TRMU: variants seen among roughly 807,000 people sequenced by gnomAD.
TRMU encodes the protein mitochondrial tRNA-specific 2-thiouridylase 1.
TRMU carries 49 observed loss-of-function variants against 46.9 expected under a neutral mutation model. The observed-to-expected ratio is 1.05, with a 90% CI of 0.83 to 1.33. TRMU has a LOEUF of 1.33. Among genes scored for constraint, TRMU ranks in the 40% most tolerant of loss-of-function variants. The probability of loss-of-function intolerance (pLI) is 0.00; values close to 1 mark genes in which losing one functional copy is unlikely to be tolerated. For missense variants in TRMU, 572 were observed against 532.4 expected (o/e 1.07, Z -0.73); for synonymous variants, 241 against 200.9 (o/e 1.20, Z -1.69).
At chr22:46,335,891 C>A (rs773975989) in intron 1 of TRMU, 45 bp downstream of exon 1, 1 of 1,531,582 alleles carries the variant, frequency 6.5e-7, no homozygotes, top group South Asian at 1.2e-5. Context: ...GAATGTGTCC[C>A]CGGAAACCTG....
chr22:46,350,303 T>G lies in TRMU; in HGVS notation c.491T>G (p.Leu164Arg). 1 of 1,614,232 alleles carries G rather than the reference T, an allele frequency of 6.2e-7. No homozygotes were observed. Among genetic ancestry groups the G allele is most frequent in the Non-Finnish European group, 8.5e-7 (1 of 1,180,042 alleles). The change falls in exon 5 of 11, where the codon CTC becomes CGC. Residue 164 changes from leucine to arginine, a missense_variant. Transcript: ENST00000645190. This position sits in a 1 kb window ranked among gnomAD's most constrained non-coding sequence, Gnocchi z 4.6. The stretch of plus-strand genomic sequence containing the variant: ...TTATTCTTGGCAGCGGTAAAACTCC[T>G]CCAGGCAGCTGACAGCTTTAAAGAC... ...RFEVRNAVKLLQAADSFKDQT... is the reference protein window; with the variant it reads ...RFEVRNAVKLRQAADSFKDQT...
chr22:46,356,551 T>G lies in TRMU; in HGVS notation c.1102-291T>G. ...TGCTCCTTCCTGTCACAGCTCCACA[T>G]TCCCAAGGGGTGCAGAGACCTGCCA... On this transcript the variant is annotated intron_variant, in intron 10 of 10. Transcript: ENST00000645190. 6.1e-6 allele frequency: 3 copies of G among 489,204 alleles called. No homozygotes were observed. In the South Asian group the frequency reaches 7.6e-5, roughly 12 times the overall value. 30.3% of individuals were successfully genotyped at this position (489,204 alleles called of 1,614,324 possible).
In TRMU at chr22:46,355,994, CTG is replaced by C. The variant is rs2147116755; in HGVS notation, c.1028_1029del (p.Val343AlafsTer62). On this transcript the variant is annotated frameshift_variant, in exon 10 of 11. Coordinates refer to ENST00000645190, the MANE Select transcript of TRMU (RefSeq NM_018006.5). LOFTEE classifies it high-confidence loss of function. Reference protein sequence around the residue: ...RFRHQMALVPCVLTLNQDGTV... With the variant: ...RFRHQMALVPXVLTLNQDGTV... Reference sequence around the variant, plus strand: ...GGGCCCCTCTCTTCTACCCAGTGCCCTGTGTGCTGACCCTCAATCAAGATGGC... The same window carrying C: ...GGGCCCCTCTCTTCTACCCAGTGCCCTGTGCTGACCCTCAATCAAGATGGC... 1 of 1,613,956 alleles carries C rather than the reference CTG, an allele frequency of 6.2e-7. No individual in the cohort carries two copies. The highest frequency in any genetic ancestry group is 2.2e-5 in the East Asian group (1 of 44,874).
intron 8 of TRMU, 154 bp from the exon 9 acceptor site, chr22:46,355,290 A>G (rs1231267782): frequency 6.6e-6 from 8 of 1,208,714 alleles, no homozygotes; most frequent in Non-Finnish European, 9.3e-6. Flanking sequence ...GGGTGATGAG[A>G]TGAATTTCTG....
At chr22:46,345,822 C>A (rs1432347040) in intron 3 of TRMU, among the ~76,000 whole-genome samples, 3 of 149,938 alleles carry the variant, frequency 2.0e-5, no homozygotes, top group Non-Finnish European at 4.4e-5. Context: ...GACTAGAGTG[C>A]TGTGGTGCAG....
rs148602536 is a variant in TRMU at position 46,352,464 on chromosome 22, C to T, written c.772+134C>T. On this transcript the variant is annotated intron_variant, in intron 7 of 10. Coordinates refer to ENST00000645190, the MANE Select transcript of TRMU (RefSeq NM_018006.5). Reference sequence around the variant, plus strand: ...ATTGTAGAAGGCTCTGTGGGGCGGCCGGGGGCGGGCACGGCCTAGGGTGGA... The same window carrying T: ...ATTGTAGAAGGCTCTGTGGGGCGGCTGGGGGCGGGCACGGCCTAGGGTGGA... 755 of 1,081,098 alleles carry T rather than the reference C, an allele frequency of 7.0e-4. 4 individuals carry two copies. The highest frequency in any genetic ancestry group is 6.9e-3 in the Middle Eastern group (28 of 4,068). The allele number at this position is 1,081,098 out of a possible 1,614,324, so 67.0% of individuals were successfully genotyped here.
In TRMU at chr22:46,338,309, AT is replaced by A; in HGVS notation, c.248+368del. On this transcript the variant is annotated intron_variant, in intron 2 of 10. Coordinates refer to ENST00000645190, the MANE Select transcript of TRMU (RefSeq NM_018006.5). This position sits in a 1 kb window ranked among gnomAD's most constrained non-coding sequence, Gnocchi z 4.5. The stretch of plus-strand genomic sequence containing the variant: ...TGCTATGTGGGTCAGCGATTAGGGG[AT>A]TTCTGAGAAAGAGGTGATACATGGC... 1 of 298,128 alleles carries A rather than the reference AT, an allele frequency of 3.4e-6. No individual in the cohort carries two copies. The highest frequency in any genetic ancestry group is 4.4e-5 in the Admixed American group (1 of 22,908). The allele number at this position is 298,128 out of a possible 1,614,324, so 18.5% of individuals were successfully genotyped here.
chr22:46,341,510 C>T (rs906791996), intron 2 of TRMU, among the ~76,000 whole-genome samples: 2 of 151,984 alleles, frequency 1.3e-5, no homozygotes, highest in Non-Finnish European at 2.9e-5. Flanking sequence ...ATCCAAGGAA[C>T]CTCTGACCCT....
chr22:46,357,260 G>A lies in TRMU; in HGVS notation c.*254G>A, dbSNP rs1388575164. The A allele has an allele frequency of 3.4e-6, 2 of 583,706 alleles. No individual in the cohort carries two copies. The highest frequency in any genetic ancestry group is 1.9e-5 in the African/African-American group (1 of 53,298). 36.2% of individuals were successfully genotyped at this position (583,706 alleles called of 1,614,324 possible). A position where few individuals can be genotyped will look rare whatever the true frequency, so the allele number is the denominator to read the frequency against. On this transcript the variant is annotated 3_prime_UTR_variant, in exon 11 of 11. Coordinates refer to ENST00000645190, the MANE Select transcript of TRMU (RefSeq NM_018006.5). The stretch of plus-strand genomic sequence containing the variant: ...TTCCCCTTCACCGCCCCCAGGGAGG[G>A]TTTCCCACCTCAGAGTACACCGAGG...
In TRMU at chr22:46,339,939, A is replaced by C. The variant is rs1216906679; in HGVS notation, c.248+1995A>C. Among the ~76,000 whole-genome samples, 1 of 133,086 alleles carries C rather than the reference A, an allele frequency of 7.5e-6. No individual in the cohort carries two copies. The highest frequency in any genetic ancestry group is 1.5e-5 in the Non-Finnish European group (1 of 67,212). 87.3% of individuals were successfully genotyped at this position (133,086 alleles called of 152,430 possible). A position where few individuals can be genotyped will look rare whatever the true frequency, so the allele number is the denominator to read the frequency against. On this transcript the variant is annotated intron_variant, in intron 2 of 10. Coordinates refer to ENST00000645190, the MANE Select transcript of TRMU (RefSeq NM_018006.5). The surrounding 1 kb of genome is among the most constrained non-coding windows in gnomAD (Gnocchi z 4.8). ...TCTGCAGTTTTCTCGGGGACATAAG[A>C]AAAAAAAAAGAGTGTGGCGGCCAAA...
At chr22:46,344,224 C>G (rs904758648) in intron 3 of TRMU, among the ~76,000 whole-genome samples, 1 of 152,056 alleles carries the variant, frequency 6.6e-6, no homozygotes, top group Non-Finnish European at 1.5e-5. Context: ...ATTTAGGTGC[C>G]CCCAGGCTGA....
At chr22:46,352,990 G>A in intron 7 of TRMU, 2 of 166,958 alleles carry the variant, frequency 1.2e-5, no homozygotes, top group Admixed American at 1.1e-4. Context: ...CTGGCCAGGA[G>A]AGCCAGGCTG....
chr22:46,356,843 T>C lies in TRMU; in HGVS notation c.1103T>C (p.Phe368Ser). 3 of 1,613,172 alleles carry C rather than the reference T, an allele frequency of 1.9e-6. No individual in the cohort carries two copies. Among genetic ancestry groups the C allele is most frequent in the Non-Finnish European group, 2.5e-6 (3 of 1,179,838 alleles). ...GATGCCAGGGTCTCTCCCCTACAGT[T>C]TGCTGTGTTCTACAAGGGGGACGAG... Reference protein sequence around the residue: ...QAVRALATGQFAVFYKGDECL... With the variant: ...QAVRALATGQSAVFYKGDECL... Residue 368 changes from phenylalanine to serine, a missense_variant and splice_region_variant, in exon 11 of 11, where the codon TTT becomes TCT. Physicochemically the swap from Phe to Ser is radical, Grantham distance 155. Coordinates refer to ENST00000645190, the MANE Select transcript of TRMU (RefSeq NM_018006.5).
rs2078034871 is a variant in TRMU at position 46,338,358 on chromosome 22, C to T, written c.248+414C>T. 1 of 257,052 alleles carries T rather than the reference C, an allele frequency of 3.9e-6. No individual in the cohort carries two copies. The highest frequency in any genetic ancestry group is 2.2e-5 in the African/African-American group (1 of 45,882). The allele number at this position is 257,052 out of a possible 1,614,324, so 15.9% of individuals were successfully genotyped here. Reference sequence around the variant, plus strand: ...GGCCTGTGCCTCTGAAAACAAGAAACAAACAAAAACTTTTCTAAAATCCAA... The same window carrying T: ...GGCCTGTGCCTCTGAAAACAAGAAATAAACAAAAACTTTTCTAAAATCCAA... On this transcript the variant is annotated intron_variant, in intron 2 of 10. Coordinates refer to ENST00000645190, the MANE Select transcript of TRMU (RefSeq NM_018006.5). This position sits in a 1 kb window ranked among gnomAD's most constrained non-coding sequence, Gnocchi z 4.5.
intron 7 of TRMU, 30 bp from the exon 8 acceptor site, chr22:46,353,737 C>A: frequency 6.2e-7 from 1 of 1,607,312 alleles, no homozygotes; most frequent in Non-Finnish European, 8.5e-7. Flanking sequence ...ACTTGTTGCC[C>A]AGCCTCATGG....
rs1391218424 is a variant in TRMU at position 46,346,417 on chromosome 22, C to T, written c.356-5C>T. 4 of 1,612,138 alleles carry T rather than the reference C, an allele frequency of 2.5e-6. No individual in the cohort carries two copies. In the South Asian group the frequency reaches 4.4e-5, roughly 18 times the overall value. ...CCTGATCCTTGTGTTCTAAAAACCTCACAGGGGCAGATGCCATTGCCACAG... is the reference window on the plus strand; with the variant it reads ...CCTGATCCTTGTGTTCTAAAAACCTTACAGGGGCAGATGCCATTGCCACAG... On this transcript the variant is annotated splice_polypyrimidine_tract_variant and splice_region_variant and intron_variant, in intron 3 of 10. Transcript: ENST00000645190.
intron 8 of TRMU, chr22:46,354,105 A>G: frequency 2.1e-6 from 1 of 467,520 alleles, no homozygotes; most frequent in East Asian, 4.0e-5. Context: ...GAACCCCGAT[A>G]CACAGATACA....
intron 10 of TRMU, chr22:46,356,337 G>C (rs931590223): frequency 1.9e-6 from 1 of 525,672 alleles, no homozygotes; most frequent in African/African-American, 1.9e-5. Context: ...CCCCAGAAGC[G>C]AGGACAGAAA....
At chr22:46,353,362 G>A (rs944831579) in intron 7 of TRMU, 2 of 278,994 alleles carry the variant, frequency 7.2e-6, no homozygotes, top group Admixed American at 4.5e-5. Context: ...AGAGCAGCTG[G>A]GGGTAGCCCT....
Sources: gnomAD v4.1 joint callset for allele counts (sites outside exome capture counted in the v4.1 genomes callset) on GRCh38, gnomAD v4.1.1 for gene constraint, Gnocchi (gnomAD v3.1) non-coding constraint, MANE v1.5 for transcripts, NCBI Gene and HGNC (gene_info 2026-07-23, HGNC 2026-07-21) for gene names.